MDGA2: variants seen among roughly 807,000 people sequenced by gnomAD.
MDGA2 encodes MAM domain containing glycosylphosphatidylinositol anchor 2.
Under a neutral mutation model 117.8 loss-of-function variants are expected in MDGA2, and 40 were observed. That is an observed-to-expected ratio of 0.34 (90% CI 0.26 to 0.44). The LOEUF (loss-of-function observed/expected upper bound fraction) is 0.44, where lower values mean the gene tolerates loss of function less well. Among genes scored for constraint, MDGA2 ranks in the 20% least tolerant of loss-of-function variants. MDGA2 has a pLI of 1.00. For synonymous variants in MDGA2, 452 were observed against 439.0 expected, an observed-to-expected ratio of 1.03 and a Z score of -0.37; for missense variants, 1,123 against 1,250.6, an observed-to-expected ratio of 0.90 and a Z score of 1.54.
intron 1 of MDGA2, among the ~76,000 whole-genome samples, chr14:47,561,212 T>C (rs1038713860): frequency 7.1e-6 from 1 of 140,424 alleles, no homozygotes. Context: ...TTAACTAATC[T>C]GGCTCTTTTT....
chr14:47,209,426 C>T (rs950394227), intron 3 of MDGA2, among the ~76,000 whole-genome samples: 8 of 152,060 alleles, frequency 5.3e-5, no homozygotes, highest in Non-Finnish European at 7.4e-5. Context: ...GGAACAGGTG[C>T]AGAGCAACTG....
At chr14:46,936,167 G>C (rs1884774520) in intron 9 of MDGA2, among the ~76,000 whole-genome samples, 1 of 152,074 alleles carries the variant, frequency 6.6e-6, no homozygotes, top group African/African-American at 2.4e-5. Flanking sequence ...GTCCCTGCCA[G>C]TCAATCACTT....
chr14:47,218,323 G>GA, intron 2 of MDGA2, 128 bp from the exon 3 acceptor site: 1 of 786,686 alleles, frequency 1.3e-6, no homozygotes, highest in East Asian at 2.9e-5. Flanking sequence ...AATTATTGAA[G>GA]AAAAAATTAA....
chr14:47,651,661 C>A (rs1270914876), intron 1 of MDGA2, among the ~76,000 whole-genome samples: 1 of 151,786 alleles, frequency 6.6e-6, no homozygotes, highest in Non-Finnish European at 1.5e-5. Flanking sequence ...ACTCACAGGG[C>A]AAATGGGAGA....
intron 8 of MDGA2, among the ~76,000 whole-genome samples, chr14:47,003,987 T>A (rs1887624311): frequency 6.6e-6 from 1 of 151,908 alleles, no homozygotes; most frequent in Non-Finnish European, 1.5e-5. Context: ...CAACTTCTGT[T>A]GAAAGACACT....
intron 1 of MDGA2, 127 bp downstream of exon 1, chr14:47,674,390 G>T: frequency 1.3e-6 from 1 of 773,492 alleles, no homozygotes; most frequent in South Asian, 1.7e-5. Flanking sequence ...TCCCAATAAC[G>T]TGATGAAGTG....
chr14:47,138,486 G>A (rs988400872), intron 4 of MDGA2, among the ~76,000 whole-genome samples: 2 of 151,922 alleles, frequency 1.3e-5, no homozygotes, highest in Non-Finnish European at 2.9e-5. Context: ...TAAGATTTAA[G>A]CAATTGTTTA....
chr14:47,390,957 T>A (rs143373445), intron 1 of MDGA2, among the ~76,000 whole-genome samples: 1 of 152,280 alleles, frequency 6.6e-6, no homozygotes, highest in East Asian at 1.9e-4. Context: ...CCAACCCTTA[T>A]CCTGGCTGTT....
chr14:47,416,419 C>A (rs1422268361), intron 1 of MDGA2, among the ~76,000 whole-genome samples: 1 of 152,178 alleles, frequency 6.6e-6, no homozygotes, highest in African/African-American at 2.4e-5. Context: ...GCAAGGAGAA[C>A]CTCCAACATT....
At chr14:47,477,780 C>T (rs1893873657) in intron 1 of MDGA2, among the ~76,000 whole-genome samples, 4 of 152,106 alleles carry the variant, frequency 2.6e-5, no homozygotes, top group Admixed American at 2.0e-4. Context: ...AAGGATATTG[C>T]CTAGCTTTAA....
At chr14:46,906,980 T>C (rs957930514) in intron 10 of MDGA2, among the ~76,000 whole-genome samples, 37 of 142,306 alleles carry the variant, frequency 2.6e-4, no homozygotes, top group South Asian at 9.3e-4. Context: ...TTCTTTTTTT[T>C]TTTTTTTTTT....
intron 9 of MDGA2, among the ~76,000 whole-genome samples, chr14:46,941,861 C>T (rs866586714): frequency 2.0e-5 from 3 of 152,094 alleles, no homozygotes; most frequent in Non-Finnish European, 4.4e-5. Flanking sequence ...AGATCTAATG[C>T]AGACTCAAAA....
At position 47,476,635 on chromosome 14, in the gene MDGA2, T is replaced by C. The variant is rs551653685; in HGVS notation, c.281-175085A>G. ...AAAAATCTGAGGGACACAGAGTTTA[T>C]CATTTAGCATGAGATTATATATATT... On this transcript the variant is annotated intron_variant, in intron 1 of 16. Coordinates refer to ENST00000399232, the MANE Select transcript of MDGA2 (RefSeq NM_001113498.3). Among the ~76,000 whole-genome samples, 8 of 152,296 alleles carry C rather than the reference T, an allele frequency of 5.3e-5. No individual in the cohort carries two copies. The East Asian group carries it at 1.5e-3, about 29-fold the overall frequency.
intron 1 of MDGA2, among the ~76,000 whole-genome samples, chr14:47,341,153 A>G (rs975696127): frequency 3.3e-5 from 5 of 152,220 alleles, no homozygotes; most frequent in Non-Finnish European, 7.3e-5. Flanking sequence ...CTCCACATTG[A>G]TCTTACTCTA....
At chr14:47,579,673 T>G (rs1482732102) in intron 1 of MDGA2, among the ~76,000 whole-genome samples, 1 of 151,982 alleles carries the variant, frequency 6.6e-6, no homozygotes, top group African/African-American at 2.4e-5. Flanking sequence ...ACTTTTAAAA[T>G]GAAATATGTG....
chr14:47,567,931 A>G (rs1322078757), intron 1 of MDGA2, among the ~76,000 whole-genome samples: 1 of 151,938 alleles, frequency 6.6e-6, no homozygotes, highest in Admixed American at 6.6e-5. Flanking sequence ...AAACACCTGG[A>G]TATGTTTTTG....
chr14:47,418,016 T>C (rs954670044), intron 1 of MDGA2, among the ~76,000 whole-genome samples: 1 of 151,988 alleles, frequency 6.6e-6, no homozygotes, highest in African/African-American at 2.4e-5. Context: ...CCTGGACGAG[T>C]ACAAATTTTC....
At chr14:47,123,251 A>G (rs1222525624) in intron 5 of MDGA2, among the ~76,000 whole-genome samples, 1 of 152,078 alleles carries the variant, frequency 6.6e-6, no homozygotes. Context: ...CAAAAATTTC[A>G]TTGGTAGGAC....
chr14:47,174,962 G>T (rs1208207313), intron 3 of MDGA2, among the ~76,000 whole-genome samples: 3 of 151,876 alleles, frequency 2.0e-5, no homozygotes, highest in African/African-American at 7.3e-5. Flanking sequence ...AATGATAAAG[G>T]GGATATCACC....
Sources: gnomAD v4.1 joint callset for allele counts (sites outside exome capture counted in the v4.1 genomes callset) on GRCh38, gnomAD v4.1.1 for gene constraint, MANE v1.5 for transcripts, NCBI Gene and HGNC (gene_info 2026-07-23, HGNC 2026-07-21) for gene names.